The following APTX variants were observed in gnomAD, a reference collection of about 807,000 sequenced individuals.
The protein encoded by APTX is forkhead-associated domain histidine triad-like protein.
Under a neutral mutation model 42.3 loss-of-function variants are expected in APTX, and 33 were observed. The observed-to-expected ratio is 0.78, with a 90% confidence interval of 0.59 to 1.04. The LOEUF (loss-of-function observed/expected upper bound fraction) is 1.04. Ranked by LOEUF, APTX falls within the 50% of genes least tolerant of loss-of-function variation. The pLI, the probability that APTX is intolerant of heterozygous loss-of-function variation, is 0.00. For missense variants in APTX, 421 were observed against 415.1 expected (o/e 1.01, Z -0.12); for synonymous variants, 130 against 146.7 (o/e 0.89, Z 0.82).
At chr9:33,000,850 T>TC (rs1836230139) in intron 1 of APTX, among the ~76,000 whole-genome samples, 1 of 140,700 alleles carries the variant, frequency 7.1e-6, no homozygotes, top group Non-Finnish European at 1.6e-5. Flanking sequence ...TTTTTCTTTT[T>TC]TTTTTTTTTT....
intron 6 of APTX, among the ~76,000 whole-genome samples, chr9:32,976,083 G>C (rs1829326183): frequency 1.3e-5 from 2 of 152,138 alleles, no homozygotes; most frequent in Non-Finnish European, 2.9e-5. Context: ...AAATGTAATG[G>C]AAAGATCTGT....
intron 1 of APTX, among the ~76,000 whole-genome samples, chr9:32,991,248 G>A (rs929453831): frequency 1.3e-5 from 2 of 152,108 alleles, no homozygotes; most frequent in African/African-American, 4.8e-5. Flanking sequence ...TTTCTAAAGT[G>A]TGAATGTGAC....
At position 32,973,186 on chromosome 9, in the gene APTX, C is replaced by T. The variant is rs756510915; in HGVS notation, c.*312G>A. On this transcript the variant is annotated 3_prime_UTR_variant, in exon 8 of 8. Coordinates refer to ENST00000379817, the MANE Select transcript of APTX (RefSeq NM_001195248.2). ...GTATAACCAGCCCAATGCTTCCATA[C>T]TCTGCATTAGGTCAGTGTGAACATG... The T allele has an allele frequency of 2.0e-6, 1 of 505,552 alleles. No homozygotes were observed. Among genetic ancestry groups the T allele is most frequent in the African/African-American group, 1.9e-5 (1 of 52,286 alleles). The allele number at this position is 505,552 out of a possible 1,614,324, so 31.3% of individuals were successfully genotyped here.
intron 1 of APTX, among the ~76,000 whole-genome samples, chr9:33,016,564 C>T (rs1437120774): frequency 1.3e-5 from 2 of 152,110 alleles, no homozygotes; most frequent in Admixed American, 6.5e-5. Context: ...CGACTTCTTT[C>T]GGCTTTCTAC....
rs7869475 is a variant in APTX, at chr9:32,986,250, T to C, written c.484-220A>G. 0.31 allele frequency: 207,068 copies of C among 658,196 alleles called. 34,533 individuals carry two copies. The highest frequency in any genetic ancestry group is 0.36 in the Non-Finnish European group (128,645 of 358,650). 40.8% of individuals were successfully genotyped at this position (658,196 alleles called of 1,614,324 possible). ...TTTTTTGAGACAAAGTCTCACTCTG[T>C]CTCACCCAAGCTGGAGTGCAGCGGC... On this transcript the variant is annotated intron_variant, in intron 4 of 7. Transcript: ENST00000379817.
intron 6 of APTX, among the ~76,000 whole-genome samples, chr9:32,976,777 A>G (rs1303776278): frequency 6.6e-6 from 1 of 152,250 alleles, no homozygotes; most frequent in Non-Finnish European, 1.5e-5. Flanking sequence ...TTCAACAGTC[A>G]TATTTCCAAA....
chr9:33,019,968 GCCCTTGGCC>G, intron 1 of APTX: 1 of 428,028 alleles, frequency 2.3e-6, no homozygotes. Flanking sequence ...CGCATTCCTG[GCCCTTGGCC>G]ACAGACGCTG....
chr9:32,980,289 T>A (rs1317296206), intron 6 of APTX: 2 of 155,796 alleles, frequency 1.3e-5, no homozygotes, highest in African/African-American at 4.8e-5. Context: ...GGGGCTGTAA[T>A]AATTCCATGG....
At chr9:33,018,975 G>T (rs1008082379) in intron 1 of APTX, among the ~76,000 whole-genome samples, 1 of 152,162 alleles carries the variant, frequency 6.6e-6, no homozygotes, top group African/African-American at 2.4e-5. Flanking sequence ...AAAGAGATAT[G>T]ATAACTCAAA....
At chr9:32,983,793 A>G (rs533261790) in intron 6 of APTX, among the ~76,000 whole-genome samples, 37 of 152,328 alleles carry the variant, frequency 2.4e-4, no homozygotes, top group African/African-American at 8.4e-4. Context: ...AATATGAGGT[A>G]CCTAGAGTAG....
rs181498935 is a variant in APTX at position 32,977,559 on chromosome 9, A to C, written c.771-2998T>G. 8.6e-4 allele frequency among the ~76,000 whole-genome samples: 130 copies of C among 151,304 alleles called. 1 individual carries two copies. The Middle Eastern group carries it at 0.038, about 44-fold the overall frequency. The stretch of plus-strand genomic sequence containing the variant: ...AATGGGGGGGAAAAAACCTGGGTGC[A>C]GTGGCTCACACCTGTAATCCCAGTA... On this transcript the variant is annotated intron_variant, in intron 6 of 7. Transcript: ENST00000379817.
intron 1 of APTX, among the ~76,000 whole-genome samples, chr9:33,009,780 C>CT (rs1398510123): frequency 1.3e-5 from 2 of 151,804 alleles, no homozygotes; most frequent in East Asian, 3.9e-4. Context: ...GGGCGATACT[C>CT]TGTCTCTAAA....
At chr9:33,006,554 T>C (rs544372479), upstream of APTX, among the ~76,000 whole-genome samples, 9 of 152,284 alleles carry the variant, frequency 5.9e-5, no homozygotes, top group East Asian at 1.7e-3. Flanking sequence ...TGTGGTTGCC[T>C]GGTCCAGAGA....
At chr9:33,020,182 T>C (rs1444091939) in intron 1 of APTX, 1 of 273,850 alleles carries the variant, frequency 3.7e-6, no homozygotes, top group Admixed American at 5.3e-5. Flanking sequence ...GAAAAAAGTA[T>C]AGCTGTAGTT....
At chr9:33,022,018 GGAC>G (rs2119329589) in intron 1 of APTX, among the ~76,000 whole-genome samples, 1 of 151,338 alleles carries the variant, frequency 6.6e-6, no homozygotes, top group South Asian at 2.1e-4. Context: ...TGTAAACCTG[GGAC>G]AACAGATTTA....
intron 6 of APTX, among the ~76,000 whole-genome samples, chr9:32,976,369 G>A (rs1225130025): frequency 6.6e-6 from 1 of 152,168 alleles, no homozygotes; most frequent in Non-Finnish European, 1.5e-5. Flanking sequence ...CCTAGAACTT[G>A]AGTATAATAA....
intron 1 of APTX, among the ~76,000 whole-genome samples, chr9:33,000,105 A>C (rs1835903096): frequency 6.6e-6 from 1 of 152,078 alleles, no homozygotes; most frequent in South Asian, 2.1e-4. Context: ...TCTACCACCT[A>C]CTCGCTGTGT....
intron 1 of APTX, among the ~76,000 whole-genome samples, chr9:32,991,919 A>G (rs1441933500): frequency 6.6e-6 from 1 of 152,224 alleles, no homozygotes; most frequent in African/African-American, 2.4e-5. Flanking sequence ...TCATATTGAA[A>G]TGTAATTATT....
At chr9:33,013,436 T>C (rs1346470814) in intron 1 of APTX, among the ~76,000 whole-genome samples, 1 of 152,172 alleles carries the variant, frequency 6.6e-6, no homozygotes, top group African/African-American at 2.4e-5. Flanking sequence ...AAGGTAAAGT[T>C]ACACAGCAGA....
Sources: allele counts gnomAD v4.1 joint callset (sites outside exome capture counted in the v4.1 genomes callset), GRCh38; gene constraint gnomAD v4.1.1; transcripts MANE v1.5; gene names NCBI Gene and HGNC (gene_info 2026-07-23, HGNC 2026-07-21).